Variants in TET1 observed in about 807,000 individuals in gnomAD.
The protein encoded by TET1 is methylcytosine dioxygenase TET1.
TET1 carries 13 observed loss-of-function variants against 148.7 expected under a neutral mutation model. The ratio of observed to expected loss-of-function variants is 0.09; its 90% CI spans 0.06 to 0.14. The LOEUF is 0.14. TET1 is among the 10% of genes least tolerant of loss of function. TET1 has a pLI of 1.00. For missense variants in TET1, 2,182 were observed against 2,553.8 expected (o/e 0.85, Z 3.14); for synonymous variants, 907 against 937.2 (o/e 0.97, Z 0.59).
At chr10:68,579,738 C>T (rs1415735007) in intron 2 of TET1, among the ~76,000 whole-genome samples, 1 of 152,272 alleles carries the variant, frequency 6.6e-6, no homozygotes, top group East Asian at 1.9e-4. Flanking sequence ...GAATACAGCA[C>T]CTTTAAGATT....
chr10:68,622,222 C>CTT lies in TET1; in HGVS notation c.1968+21188_1968+21189insTT, dbSNP rs1383567952. On this transcript the variant is annotated intron_variant, in intron 3 of 11. Coordinates refer to ENST00000373644, the MANE Select transcript of TET1 (RefSeq NM_030625.3). ...CCTTCCTTCCTTCCTTCCTTCCTTCCCTCCTTCCTCCCTTCCCTCCCTCCC... is the reference window on the plus strand; with the variant it reads ...CCTTCCTTCCTTCCTTCCTTCCTTCCTTCTCCTTCCTCCCTTCCCTCCCTCCC... Among the ~76,000 whole-genome samples the CTT allele has an allele frequency of 3.3e-3, 260 of 78,936 alleles. 3 individuals are homozygous for CTT. Among genetic ancestry groups the CTT allele is most frequent in the African/African-American group, 0.012 (240 of 19,292 alleles). The allele number at this position is 78,936 out of a possible 152,430, so 51.8% of individuals were successfully genotyped here. A position where few individuals can be genotyped will look rare whatever the true frequency, so the allele number is the denominator to read the frequency against.
chr10:68,637,245 C>T (rs1245097821), intron 3 of TET1, among the ~76,000 whole-genome samples: 2 of 152,016 alleles, frequency 1.3e-5, no homozygotes, highest in African/African-American at 2.4e-5. Flanking sequence ...GTGATTCGGC[C>T]TCCCAAAGTT....
At chr10:68,610,518 G>A (rs1027868508) in intron 3 of TET1, among the ~76,000 whole-genome samples, 1 of 150,726 alleles carries the variant, frequency 6.6e-6, no homozygotes. Context: ...TTGAACCCAG[G>A]GGGCGGAGGT....
At chr10:68,640,582 T>C (rs1399559610) in intron 3 of TET1, among the ~76,000 whole-genome samples, 2 of 85,092 alleles carry the variant, frequency 2.4e-5, no homozygotes, top group African/African-American at 4.2e-5. Flanking sequence ...GATGGAGTCT[T>C]GTTCTGTCGC....
intron 3 of TET1, among the ~76,000 whole-genome samples, chr10:68,622,167 T>A (rs903268509): frequency 7.8e-5 from 2 of 25,702 alleles, no homozygotes. Context: ...ACCTATGCCC[T>A]TCCTTCCTTC....
At position 68,681,500 on chromosome 10, in the gene TET1, T is replaced by C. The variant is rs2055433888; in HGVS notation, c.4914+12T>C. 1 of 1,574,778 alleles carries C rather than the reference T, an allele frequency of 6.4e-7. No homozygotes were observed. The highest frequency in any genetic ancestry group is 1.4e-5 in the African/African-American group (1 of 73,788). The stretch of plus-strand genomic sequence containing the variant: ...CTTACCAAAATCAGGTATGTATTGG[T>C]ATGAACTTTTTATTTATTTATTAAT... On this transcript the variant is annotated intron_variant, in intron 9 of 11. Transcript: ENST00000373644.
intron 4 of TET1, among the ~76,000 whole-genome samples, chr10:68,651,475 T>G (rs1411771019): frequency 6.6e-6 from 1 of 152,120 alleles, no homozygotes; most frequent in Non-Finnish European, 1.5e-5. Context: ...ATTGCTCAAT[T>G]TTAATAGGAT....
chr10:68,669,474 C>CTTTTTTTTTTTTTTTT (rs3085667), intron 7 of TET1, among the ~76,000 whole-genome samples: 71 of 61,534 alleles, frequency 1.2e-3, no homozygotes, highest in Non-Finnish European at 1.4e-3. Flanking sequence ...CCATGCCCAG[C>CTTTTTTTTTTTTTTTT]TTTTTTTTTT....
At chr10:68,569,271 C>T (rs1306638257) in intron 1 of TET1, among the ~76,000 whole-genome samples, 1 of 144,166 alleles carries the variant, frequency 6.9e-6, no homozygotes, top group Non-Finnish European at 1.5e-5. Context: ...CTCCCGGGTT[C>T]ACGCCATTCT....
intron 6 of TET1, among the ~76,000 whole-genome samples, chr10:68,656,261 T>C (rs1358529551): frequency 6.6e-6 from 1 of 152,166 alleles, no homozygotes; most frequent in Non-Finnish European, 1.5e-5. Flanking sequence ...CCCACCTCTG[T>C]GGAAAAATTG....
At position 68,619,959 on chromosome 10, in the gene TET1, G is replaced by A. The variant is rs560330935; in HGVS notation, c.1968+18925G>A. On this transcript the variant is annotated intron_variant, in intron 3 of 11. Coordinates refer to ENST00000373644, the MANE Select transcript of TET1 (RefSeq NM_030625.3). ...TGTAATCCCAGCACTTTGGGAGGCC[G>A]AGCTGGGCAGATCACTTGAGTTTAG... 9.8e-4 allele frequency among the ~76,000 whole-genome samples: 149 copies of A among 152,204 alleles called. 1 individual carries two copies. Among genetic ancestry groups the A allele is most frequent in the African/African-American group, 3.1e-3 (128 of 41,516 alleles).
chr10:68,578,832 C>T (rs1056999149), intron 2 of TET1, among the ~76,000 whole-genome samples: 1 of 151,936 alleles, frequency 6.6e-6, no homozygotes, highest in South Asian at 2.1e-4. Context: ...GCATGAGTCA[C>T]CATGCCCAGC....
At chr10:68,596,099 C>G (rs1457165590) in intron 2 of TET1, among the ~76,000 whole-genome samples, 1 of 146,468 alleles carries the variant, frequency 6.8e-6, no homozygotes, top group East Asian at 2.0e-4. Context: ...AGTGCAGTGG[C>G]GCAATCTCAG....
intron 3 of TET1, among the ~76,000 whole-genome samples, chr10:68,627,693 G>A (rs2054506427): frequency 1.3e-5 from 2 of 151,592 alleles, no homozygotes; most frequent in East Asian, 2.0e-4. Flanking sequence ...CTGGGAGGCC[G>A]AGACGGCAAA....
intron 3 of TET1, among the ~76,000 whole-genome samples, chr10:68,635,964 G>T (rs1030802340): frequency 3.9e-5 from 6 of 152,192 alleles, no homozygotes; most frequent in African/African-American, 1.4e-4. Context: ...TCTCCTTGGA[G>T]GTCTACAAAC....
intron 6 of TET1, among the ~76,000 whole-genome samples, chr10:68,662,063 C>G (rs377092140): frequency 5.9e-5 from 9 of 151,988 alleles, no homozygotes; most frequent in African/African-American, 2.2e-4. Flanking sequence ...TTAATAGAGA[C>G]AGGGTTTCAC....
Position 68,601,033 on chromosome 10 carries a change from A to T in TET1, c.1967A>T (p.Lys656Met). Residue 656 changes from lysine to methionine, a missense_variant and splice_region_variant, in exon 3 of 12, where the codon AAG (lysine) becomes ATG (methionine). Coordinates refer to ENST00000373644, the MANE Select transcript of TET1 (RefSeq NM_030625.3). ...AGGGAAAAGAAGCCCAAAGTTTTAAAGGTAATCAGCTGTTGATTAAATAAT... is the reference window on the plus strand; with the variant it reads ...AGGGAAAAGAAGCCCAAAGTTTTAATGGTAATCAGCTGTTGATTAAATAAT... ...PQREKKPKVL[K>M]ADFDNKPVNG... 1 of 1,602,706 alleles carries T rather than the reference A, an allele frequency of 6.2e-7. No homozygotes were observed. The highest frequency in any genetic ancestry group is 8.5e-7 in the Non-Finnish European group (1 of 1,176,886).
Position 68,693,891 on chromosome 10 carries a change from C to G in TET1, c.*2077C>G, listed in dbSNP as rs1421109062. On this transcript the variant is annotated 3_prime_UTR_variant, in exon 12 of 12. Coordinates refer to ENST00000373644, the MANE Select transcript of TET1 (RefSeq NM_030625.3). The stretch of plus-strand genomic sequence containing the variant: ...TTTTATGGCTCTTTATGCATCCACT[C>G]ATCTACTCATTCTTCGAGTCTACAC... The G allele has an allele frequency of 4.4e-6, 1 of 228,332 alleles. No homozygotes were observed. The allele number at this position is 228,332 out of a possible 1,614,324, so 14.1% of individuals were successfully genotyped here.
chr10:68,680,450 C>G (rs1038072855), intron 8 of TET1, among the ~76,000 whole-genome samples: 1 of 152,150 alleles, frequency 6.6e-6, no homozygotes, highest in Non-Finnish European at 1.5e-5. Flanking sequence ...GTTCTAGCAA[C>G]CTTCCCATCT....
Sources: allele counts gnomAD v4.1 joint callset (sites outside exome capture counted in the v4.1 genomes callset), GRCh38; gene constraint gnomAD v4.1.1; transcripts MANE v1.5; gene names NCBI Gene and HGNC (gene_info 2026-07-23, HGNC 2026-07-21).